PTPRM: variants seen among roughly 807,000 people sequenced by gnomAD.
PTPRM encodes receptor-type tyrosine-protein phosphatase mu.
PTPRM carries 47 observed loss-of-function variants against 186.7 expected under a neutral mutation model. The observed-to-expected ratio is 0.25, with a 90% CI of 0.20 to 0.32. PTPRM has a LOEUF of 0.32. Ranked by LOEUF, PTPRM falls within the 10% of genes least tolerant of loss-of-function variation. The pLI is 1.00. For synonymous variants in PTPRM, 668 were observed against 674.9 expected (o/e 0.99, Z 0.16); for missense variants, 1,494 against 1,865.0 (o/e 0.80, Z 3.66).
intron 4 of PTPRM, among the ~76,000 whole-genome samples, chr18:7,924,103 G>A (rs907068419): frequency 2.0e-5 from 3 of 152,182 alleles, no homozygotes; most frequent in South Asian, 4.1e-4. Flanking sequence ...TGTGATTTCC[G>A]GGTGTTGGAT....
chr18:8,125,421 A>G (rs74788933), intron 13 of PTPRM, among the ~76,000 whole-genome samples: 47 of 152,272 alleles, frequency 3.1e-4, no homozygotes, highest in Middle Eastern at 3.4e-3. Flanking sequence ...ACACATATAC[A>G]TACATGTACA....
chr18:7,688,969 A>G (rs151038363), intron 1 of PTPRM, among the ~76,000 whole-genome samples: 1 of 152,276 alleles, frequency 6.6e-6, no homozygotes, highest in African/African-American at 2.4e-5. Context: ...AAAATAGCAT[A>G]CTGATCTAGC....
At chr18:8,291,140 G>A (rs1454918778) in intron 19 of PTPRM, among the ~76,000 whole-genome samples, 3 of 152,144 alleles carry the variant, frequency 2.0e-5, no homozygotes, top group Admixed American at 2.0e-4. Flanking sequence ...CATCCCTCCT[G>A]CTCTCTCTCA....
intron 2 of PTPRM, among the ~76,000 whole-genome samples, chr18:7,869,091 G>C (rs1329280490): frequency 6.6e-6 from 1 of 152,200 alleles, no homozygotes; most frequent in Non-Finnish European, 1.5e-5. Context: ...CTGCTGTGCT[G>C]GCAGTGAGAA....
chr18:7,963,473 G>A (rs971127250), intron 7 of PTPRM, among the ~76,000 whole-genome samples: 2 of 152,214 alleles, frequency 1.3e-5, no homozygotes, highest in African/African-American at 4.8e-5. Flanking sequence ...GACTCTTAAG[G>A]TGTTGTGACT....
At chr18:8,395,694 G>T (rs1242509810) in intron 32 of PTPRM, among the ~76,000 whole-genome samples, 2 of 152,114 alleles carry the variant, frequency 1.3e-5, no homozygotes, top group African/African-American at 4.8e-5. Context: ...TTAGCATGTT[G>T]GCTTCTAGAA....
chr18:8,129,474 C>T (rs1463066768), intron 13 of PTPRM, among the ~76,000 whole-genome samples: 1 of 151,898 alleles, frequency 6.6e-6, no homozygotes, highest in East Asian at 1.9e-4. Context: ...ATTATTACTA[C>T]AATTTAAAGT....
chr18:8,336,157 G>A (rs2095437872), intron 22 of PTPRM, among the ~76,000 whole-genome samples: 1 of 152,214 alleles, frequency 6.6e-6, no homozygotes, highest in Non-Finnish European at 1.5e-5. Context: ...GTTTCAGACA[G>A]GGAAGTGAGT....
chr18:7,888,920 G>A (rs921502474), intron 3 of PTPRM, among the ~76,000 whole-genome samples: 1 of 152,150 alleles, frequency 6.6e-6, no homozygotes, highest in African/African-American at 2.4e-5. Flanking sequence ...TAAGCACTGG[G>A]TGCACATGGA....
At chr18:7,804,812 T>C (rs931021809) in intron 2 of PTPRM, among the ~76,000 whole-genome samples, 2 of 152,232 alleles carry the variant, frequency 1.3e-5, no homozygotes, top group African/African-American at 2.4e-5. Flanking sequence ...TGTCAGCAGA[T>C]TTAATCTCAC....
At chr18:8,305,864 A>G (rs1329071466) in intron 20 of PTPRM, among the ~76,000 whole-genome samples, 1 of 151,928 alleles carries the variant, frequency 6.6e-6, no homozygotes, top group Non-Finnish European at 1.5e-5. Context: ...GGTAAACTTC[A>G]ACAAAGATGT....
At chr18:7,997,678 A>G (rs1379601464) in intron 7 of PTPRM, among the ~76,000 whole-genome samples, 1 of 152,162 alleles carries the variant, frequency 6.6e-6, no homozygotes, top group Non-Finnish European at 1.5e-5. Flanking sequence ...CAAACAACCC[A>G]ACAACAATAA....
At chr18:8,054,219 G>A (rs899908708) in intron 7 of PTPRM, among the ~76,000 whole-genome samples, 5 of 148,600 alleles carry the variant, frequency 3.4e-5, no homozygotes, top group African/African-American at 1.0e-4. Flanking sequence ...AATTCTCTGG[G>A]CATTTTAATA....
chr18:7,949,463 C>A, intron 6 of PTPRM, 108 bp downstream of exon 6: 2 of 950,810 alleles, frequency 2.1e-6, no homozygotes, highest in Non-Finnish European at 2.9e-6. Context: ...TGTTTCTGAG[C>A]AGTGGTTTGA....
At chr18:7,694,490 G>A (rs532887269) in intron 1 of PTPRM, among the ~76,000 whole-genome samples, 2 of 150,136 alleles carry the variant, frequency 1.3e-5, no homozygotes, top group South Asian at 4.3e-4. Flanking sequence ...GCGGTAGTGC[G>A]GTCTTGGCTC....
In PTPRM at chr18:7,568,737, C is replaced by T. The variant is rs1001293817; in HGVS notation, c.73+846C>T. On this transcript the variant is annotated intron_variant, in intron 1 of 32. Coordinates refer to ENST00000580170, the MANE Select transcript of PTPRM (RefSeq NM_001105244.2). The surrounding 1 kb of genome is among the most constrained non-coding windows in gnomAD (Gnocchi z 5.1). Reference sequence around the variant, plus strand: ...GAGTGTGTGCGCGTGTGTGCCTGCACGCGCGCGCGGGGGCGTTCTAAGCCC... The same window carrying T: ...GAGTGTGTGCGCGTGTGTGCCTGCATGCGCGCGCGGGGGCGTTCTAAGCCC... Among the ~76,000 whole-genome samples the T allele has an allele frequency of 1.8e-4, 27 of 152,094 alleles. No homozygotes were observed. Among genetic ancestry groups the T allele is most frequent in the African/African-American group, 5.3e-4 (22 of 41,432 alleles).
At chr18:8,008,689 AG>A (rs2084336738) in intron 7 of PTPRM, among the ~76,000 whole-genome samples, 1 of 152,056 alleles carries the variant, frequency 6.6e-6, no homozygotes, top group Non-Finnish European at 1.5e-5. Flanking sequence ...AACTTTTTGG[AG>A]GCTTGCTTAA....
At chr18:7,655,597 T>C (rs1211530623) in intron 1 of PTPRM, among the ~76,000 whole-genome samples, 1 of 152,234 alleles carries the variant, frequency 6.6e-6, no homozygotes, top group Non-Finnish European at 1.5e-5. Flanking sequence ...GCACACATGG[T>C]TATAGCAGCT....
At chr18:8,057,542 C>T (rs1382144013) in intron 7 of PTPRM, among the ~76,000 whole-genome samples, 30 of 133,202 alleles carry the variant, frequency 2.3e-4, no homozygotes, top group African/African-American at 8.5e-4. Flanking sequence ...CATGCTGGTG[C>T]GCTGCACCCA....
Sources: allele counts gnomAD v4.1 joint callset (sites outside exome capture counted in the v4.1 genomes callset), GRCh38; gene constraint gnomAD v4.1.1; non-coding constraint Gnocchi (gnomAD v3.1); transcripts MANE v1.5; gene names NCBI Gene and HGNC (gene_info 2026-07-23, HGNC 2026-07-21).